Variants in ROBO1 observed in about 807,000 individuals in gnomAD.
ROBO1 encodes roundabout guidance receptor 1.
Under a neutral mutation model 195.9 loss-of-function variants are expected in ROBO1, and 149 were observed. The observed-to-expected ratio is 0.76, with a 90% CI of 0.67 to 0.87. ROBO1 has a LOEUF of 0.87. Ranked by LOEUF, ROBO1 falls within the 40% of genes least tolerant of loss-of-function variation. The pLI, the probability that ROBO1 is intolerant of heterozygous loss-of-function variation, is 0.00. For synonymous variants in ROBO1, 816 were observed against 733.2 expected (o/e 1.11, Z -1.82); for missense variants, 1,933 against 2,068.3 (o/e 0.93, Z 1.27).
chr3:78,744,166 A>AGT, intron 5 of ROBO1, among the ~76,000 whole-genome samples: 1 of 152,294 alleles, frequency 6.6e-6, no homozygotes, highest in African/African-American at 2.4e-5. Context: ...AATGGCATCT[A>AGT]TACCATTTCA....
intron 3 of ROBO1, among the ~76,000 whole-genome samples, chr3:79,031,223 T>G (rs137930667): frequency 1.3e-5 from 2 of 152,282 alleles, no homozygotes; most frequent in Non-Finnish European, 2.9e-5. Flanking sequence ...CTAACAAAAT[T>G]TTGCTTTTGT....
At chr3:79,563,256 T>C (rs903240580) in intron 2 of ROBO1, among the ~76,000 whole-genome samples, 4 of 152,090 alleles carry the variant, frequency 2.6e-5, no homozygotes, top group Non-Finnish European at 4.4e-5. Flanking sequence ...ATTGACACCA[T>C]GAATGAAGTT....
At chr3:79,417,810 G>C (rs918728007) in intron 2 of ROBO1, among the ~76,000 whole-genome samples, 1 of 152,114 alleles carries the variant, frequency 6.6e-6, no homozygotes, top group Non-Finnish European at 1.5e-5. Context: ...GATTAGAGAA[G>C]TATTTTTGTG....
At chr3:79,211,469 A>G (rs1352823847) in intron 2 of ROBO1, among the ~76,000 whole-genome samples, 1 of 152,198 alleles carries the variant, frequency 6.6e-6, no homozygotes, top group Non-Finnish European at 1.5e-5. Flanking sequence ...AGCTCTCTGC[A>G]TGACCCAGCT....
At chr3:79,551,491 T>C (rs1229022923) in intron 2 of ROBO1, among the ~76,000 whole-genome samples, 1 of 152,130 alleles carries the variant, frequency 6.6e-6, no homozygotes. Context: ...AAAAATTTGT[T>C]GTGAAAATGT....
intron 2 of ROBO1, among the ~76,000 whole-genome samples, chr3:79,185,992 C>A (rs1203484173): frequency 6.6e-6 from 1 of 152,082 alleles, no homozygotes; most frequent in African/African-American, 2.4e-5. Context: ...TATATTCAAC[C>A]TGGAGTCTTG....
chr3:79,213,974 C>T (rs2082010666), intron 2 of ROBO1, among the ~76,000 whole-genome samples: 1 of 151,694 alleles, frequency 6.6e-6, no homozygotes, highest in Admixed American at 6.6e-5. Flanking sequence ...TACGGGTGCG[C>T]ACCACCACGC....
intron 2 of ROBO1, among the ~76,000 whole-genome samples, chr3:79,416,732 T>C (rs897882971): frequency 2.0e-5 from 3 of 152,146 alleles, no homozygotes; most frequent in African/African-American, 7.2e-5. Context: ...ACAGTAATGC[T>C]CATCCATGTG....
chr3:79,385,824 A>G (rs1354475056), intron 2 of ROBO1, among the ~76,000 whole-genome samples: 1 of 152,206 alleles, frequency 6.6e-6, no homozygotes, highest in Non-Finnish European at 1.5e-5. Context: ...CAATGGAGAT[A>G]GTTTCAAGAA....
At chr3:79,590,287 A>G (rs1366696486) in intron 1 of ROBO1, among the ~76,000 whole-genome samples, 2 of 151,786 alleles carry the variant, frequency 1.3e-5, no homozygotes, top group Non-Finnish European at 2.9e-5. Context: ...GAACACTCTC[A>G]TCACATTTAG....
In ROBO1 at chr3:79,201,460, C is replaced by T. The variant is rs561171413; in HGVS notation, c.89-75921G>A. On this transcript the variant is annotated intron_variant, in intron 2 of 30. Transcript: ENST00000464233. Reference sequence around the variant, plus strand: ...GTATTAGCTCATTTAGTCCTCACAACAATTCTATGGGGAAGGTAGTATCAC... The same window carrying T: ...GTATTAGCTCATTTAGTCCTCACAATAATTCTATGGGGAAGGTAGTATCAC... Among the ~76,000 whole-genome samples the T allele has an allele frequency of 1.9e-3, 284 of 152,060 alleles. 1 individual carries two copies. Among genetic ancestry groups the T allele is most frequent in the Non-Finnish European group, 2.6e-3 (178 of 67,902 alleles).
intron 1 of ROBO1, among the ~76,000 whole-genome samples, chr3:79,666,934 T>C (rs1946492409): frequency 6.6e-6 from 1 of 151,950 alleles, no homozygotes; most frequent in African/African-American, 2.4e-5. Context: ...CAAAAATATC[T>C]GTTCTAGAGT....
At chr3:79,460,872 C>A (rs567077710) in intron 2 of ROBO1, among the ~76,000 whole-genome samples, 1 of 152,048 alleles carries the variant, frequency 6.6e-6, no homozygotes, top group Non-Finnish European at 1.5e-5. Context: ...CTCAACCTCC[C>A]GAGTAGCTGG....
chr3:79,604,755 C>A (rs374457336), intron 1 of ROBO1, among the ~76,000 whole-genome samples: 1 of 151,914 alleles, frequency 6.6e-6, no homozygotes, highest in Non-Finnish European at 1.5e-5. Flanking sequence ...TGGTCATTTT[C>A]TTGAAAATTC....
intron 4 of ROBO1, among the ~76,000 whole-genome samples, chr3:78,820,265 A>T (rs1009599116): frequency 1.3e-5 from 2 of 152,220 alleles, no homozygotes; most frequent in Non-Finnish European, 2.9e-5. Context: ...TTTTGTATGT[A>T]TCTATGTAGG....
At chr3:79,662,550 C>A (rs1249859234) in intron 1 of ROBO1, among the ~76,000 whole-genome samples, 5 of 151,984 alleles carry the variant, frequency 3.3e-5, no homozygotes, top group Non-Finnish European at 1.5e-5. Flanking sequence ...GAGTTTTTAC[C>A]TTGTAAAGGA....
intron 2 of ROBO1, among the ~76,000 whole-genome samples, chr3:79,539,932 T>A (rs1284441689): frequency 2.9e-5 from 2 of 67,896 alleles, no homozygotes; most frequent in African/African-American, 3.3e-4. Flanking sequence ...ATTAATTTTA[T>A]ATGTGACCCC....
intron 3 of ROBO1, among the ~76,000 whole-genome samples, chr3:78,949,835 T>A (rs1234328474): frequency 6.6e-6 from 1 of 151,792 alleles, no homozygotes; most frequent in Non-Finnish European, 1.5e-5. Context: ...AACAACCCCA[T>A]CAAAAAGTGG....
At chr3:79,374,076 G>C (rs2109347814) in intron 2 of ROBO1, among the ~76,000 whole-genome samples, 1 of 152,276 alleles carries the variant, frequency 6.6e-6, no homozygotes. Context: ...ACATAGAAAA[G>C]TGATGGGAAT....
Sources: gnomAD v4.1 joint callset for allele counts (sites outside exome capture counted in the v4.1 genomes callset) on GRCh38, gnomAD v4.1.1 for gene constraint, MANE v1.5 for transcripts, NCBI Gene and HGNC (gene_info 2026-07-23, HGNC 2026-07-21) for gene names.